The following SNTB1 variants were observed in gnomAD, a reference collection of about 807,000 sequenced individuals.
SNTB1 encodes syntrophin beta 1, also known as beta-1-syntrophin.
In SNTB1, 36 loss-of-function variants were observed where a neutral mutation model predicts 48.9. The observed-to-expected ratio is 0.74, with a 90% CI of 0.56 to 0.97. The LOEUF (loss-of-function observed/expected upper bound fraction) is 0.97, where lower values mean the gene tolerates loss of function less well. Ranked by LOEUF, SNTB1 falls within the 50% of genes least tolerant of loss-of-function variation. SNTB1 has a pLI of 0.00. For synonymous variants in SNTB1, 299 were observed against 294.6 expected (o/e 1.01, Z -0.15); for missense variants, 786 against 703.4 (o/e 1.12, Z -1.33).
chr8:120,612,361 G>C (rs1407170272), intron 3 of SNTB1, among the ~76,000 whole-genome samples: 1 of 152,156 alleles, frequency 6.6e-6, no homozygotes, highest in Non-Finnish European at 1.5e-5. Flanking sequence ...AGGTCACAAG[G>C]CTAGTAAGTC....
At chr8:120,592,291 C>T (rs1278606541) in intron 3 of SNTB1, among the ~76,000 whole-genome samples, 3 of 152,098 alleles carry the variant, frequency 2.0e-5, no homozygotes, top group African/African-American at 7.2e-5. Flanking sequence ...AAGGGATCCT[C>T]CTGCCTCAGC....
At chr8:120,659,381 G>C (rs967372944) in intron 2 of SNTB1, among the ~76,000 whole-genome samples, 6 of 151,990 alleles carry the variant, frequency 3.9e-5, no homozygotes, top group African/African-American at 1.4e-4. Context: ...AAGAAACGAC[G>C]CCTGCATTTG....
intron 1 of SNTB1, among the ~76,000 whole-genome samples, chr8:120,700,863 C>A (rs1434566811): frequency 6.6e-6 from 1 of 152,104 alleles, no homozygotes; most frequent in South Asian, 2.1e-4. Context: ...CCGGAAAGTC[C>A]GTCTGATGTG....
intron 1 of SNTB1, among the ~76,000 whole-genome samples, chr8:120,757,109 C>T (rs1819331612): frequency 1.3e-5 from 2 of 152,184 alleles, no homozygotes; most frequent in African/African-American, 4.8e-5. Flanking sequence ...AAGGACTGTG[C>T]ATAACTAATC....
At chr8:120,798,241 C>G (rs1820155750) in intron 1 of SNTB1, among the ~76,000 whole-genome samples, 1 of 151,858 alleles carries the variant, frequency 6.6e-6, no homozygotes, top group Non-Finnish European at 1.5e-5. Flanking sequence ...AAAATCAGGA[C>G]CTCTTGGGGA....
intron 3 of SNTB1, among the ~76,000 whole-genome samples, chr8:120,626,541 G>T (rs1222884878): frequency 6.6e-6 from 1 of 152,124 alleles, no homozygotes; most frequent in African/African-American, 2.4e-5. Flanking sequence ...AACATTAGAA[G>T]AATTGAGGAT....
intron 2 of SNTB1, among the ~76,000 whole-genome samples, chr8:120,659,125 G>T (rs1291413576): frequency 6.6e-6 from 1 of 152,000 alleles, no homozygotes; most frequent in Non-Finnish European, 1.5e-5. Context: ...CACCATGTCT[G>T]GTTAATTTTT....
chr8:120,596,060 C>T (rs905916807), intron 3 of SNTB1, among the ~76,000 whole-genome samples: 1 of 152,172 alleles, frequency 6.6e-6, no homozygotes, highest in African/African-American at 2.4e-5. Flanking sequence ...TTCAATGCCC[C>T]TGCCCATGTT....
At chr8:120,680,760 A>T (rs986205018) in intron 2 of SNTB1, among the ~76,000 whole-genome samples, 1 of 152,314 alleles carries the variant, frequency 6.6e-6, no homozygotes, top group East Asian at 1.9e-4. Flanking sequence ...GAGTTCAATT[A>T]ATGTATCAAG....
chr8:120,752,239 GAA>G (rs1272731147), intron 1 of SNTB1, among the ~76,000 whole-genome samples: 1 of 152,082 alleles, frequency 6.6e-6, no homozygotes, highest in African/African-American at 2.4e-5. Context: ...CAGAAATGCT[GAA>G]GTTAGCACAT....
intron 2 of SNTB1, among the ~76,000 whole-genome samples, chr8:120,641,505 T>C (rs79147518): frequency 0.013 from 1,961 of 152,214 alleles, 54 homozygotes; most frequent in African/African-American, 0.044. Context: ...GAAAAAAGGG[T>C]ATTTTCTTTG....
chr8:120,575,545 T>G (rs1320815456), intron 3 of SNTB1, among the ~76,000 whole-genome samples: 1 of 152,210 alleles, frequency 6.6e-6, no homozygotes, highest in Non-Finnish European at 1.5e-5. Flanking sequence ...GGGGAATAAG[T>G]ACTTCCAGCT....
intron 4 of SNTB1, among the ~76,000 whole-genome samples, chr8:120,561,343 A>G (rs1236276926): frequency 1.4e-5 from 2 of 148,098 alleles, no homozygotes; most frequent in Admixed American, 6.7e-5. Context: ...AAAAAAAAGA[A>G]AAAAAGAAAA....
At chr8:120,581,888 A>T (rs1269401867) in intron 3 of SNTB1, among the ~76,000 whole-genome samples, 1 of 152,186 alleles carries the variant, frequency 6.6e-6, no homozygotes, top group African/African-American at 2.4e-5. Flanking sequence ...ATATAAAATT[A>T]GCCAGGCATG....
chr8:120,653,145 C>T (rs764825538), intron 2 of SNTB1, among the ~76,000 whole-genome samples: 6 of 152,090 alleles, frequency 3.9e-5, no homozygotes, highest in Non-Finnish European at 7.3e-5. Flanking sequence ...AATTCATGTT[C>T]CTGGGGAACC....
intron 4 of SNTB1, among the ~76,000 whole-genome samples, chr8:120,553,601 A>G (rs538974593): frequency 2.7e-4 from 41 of 152,340 alleles, no homozygotes; most frequent in African/African-American, 9.1e-4. Flanking sequence ...AAGCTCTGTA[A>G]ATGTAACTCA....
intron 1 of SNTB1, among the ~76,000 whole-genome samples, chr8:120,756,262 T>A (rs1819316351): frequency 6.6e-6 from 1 of 152,224 alleles, no homozygotes; most frequent in Non-Finnish European, 1.5e-5. Context: ...TACACTGGAA[T>A]GTACATTCCA....
At chr8:120,630,397 T>C (rs1022288840) in intron 3 of SNTB1, among the ~76,000 whole-genome samples, 2 of 152,210 alleles carry the variant, frequency 1.3e-5, no homozygotes, top group Non-Finnish European at 2.9e-5. Context: ...CCCTTTCTGG[T>C]CAAGGGATGG....
intron 3 of SNTB1, among the ~76,000 whole-genome samples, chr8:120,612,851 G>T (rs1587031463): frequency 6.6e-6 from 1 of 152,204 alleles, no homozygotes; most frequent in East Asian, 1.9e-4. Flanking sequence ...TCAAATTAGG[G>T]TATTTAGGAT....
Sources: allele counts gnomAD v4.1 joint callset (sites outside exome capture counted in the v4.1 genomes callset), GRCh38; gene constraint gnomAD v4.1.1; transcripts MANE v1.5; gene names NCBI Gene and HGNC (gene_info 2026-07-23, HGNC 2026-07-21).